Variants in RELB observed in about 807,000 individuals in gnomAD.
RELB encodes the protein transcription factor RelB.
A neutral mutation model predicts 55.4 loss-of-function variants in RELB; 14 were observed. That is an observed-to-expected ratio of 0.25 (90% confidence interval 0.17 to 0.40). RELB has a LOEUF of 0.40. Ranked by LOEUF, RELB falls within the 10% of genes least tolerant of loss-of-function variation. The pLI is 1.00. For synonymous variants in RELB, 409 were observed against 371.3 expected (o/e 1.10, Z -1.17); for missense variants, 669 against 830.7 (o/e 0.81, Z 2.39).
Position 45,011,995 on chromosome 19 carries a change from C to A in RELB, c.223C>A (p.Pro75Thr). Residue 75 changes from proline to threonine, a missense_variant, in exon 4 of 12, where the codon CCG becomes ACG. By Grantham distance (38) the Pro-to-Thr change is conservative. Around this residue, in one of 3 missense-constraint regions of RELB, gnomAD observed 323 missense variants for 368.5 expected, o/e 0.88. Coordinates refer to ENST00000221452, the MANE Select transcript of RELB (RefSeq NM_006509.4). ...CGGCCTGGACGGGGGACAGCCGGGC[C>A]CGGGCGAGGGGCTGCCACGCCTGGT... ...GFGLDGGQPG[P>T]GEGLPRLVSR... 6.3e-7 allele frequency: 1 copy of A among 1,575,582 alleles called. No homozygotes were observed. The highest frequency in any genetic ancestry group is 8.6e-7 in the Non-Finnish European group (1 of 1,165,406).
Position 45,011,981 on chromosome 19 carries a change from G to A in RELB, c.209G>A (p.Gly70Glu), listed in dbSNP as rs1971364654. ...AAGGAGAACGGCTTCGGCCTGGACG[G>A]GGGACAGCCGGGCCCGGGCGAGGGG... ...YIKENGFGLD[G>E]GQPGPGEGLP... The change falls in exon 4 of 12, where the codon GGG (glycine) becomes GAG (glutamate). Residue 70 changes from glycine (G) to glutamate (E), a missense_variant. Physicochemically the swap from Gly to Glu is moderately conservative, Grantham distance 98 (BLOSUM62 -2). Coordinates refer to ENST00000221452, the MANE Select transcript of RELB (RefSeq NM_006509.4). 3 of 1,572,152 alleles carry A rather than the reference G, an allele frequency of 1.9e-6. No homozygotes were observed. The highest frequency in any genetic ancestry group is 2.8e-5 in the African/African-American group (2 of 71,324).
At chr19:45,027,291 G>A (rs1971570354) in intron 7 of RELB, among the ~76,000 whole-genome samples, 1 of 151,140 alleles carries the variant, frequency 6.6e-6, no homozygotes, top group African/African-American at 2.4e-5. Context: ...AAGAGAATAA[G>A]TTATTCTATT....
chr19:45,010,271 C>A, intron 3 of RELB, among the ~76,000 whole-genome samples: 1 of 135,006 alleles, frequency 7.4e-6, no homozygotes. Flanking sequence ...GCTATGATTG[C>A]ACCACTGCAC....
chr19:45,028,674 T>C (rs537850407), intron 7 of RELB, among the ~76,000 whole-genome samples: 1 of 152,256 alleles, frequency 6.6e-6, no homozygotes, highest in African/African-American at 2.4e-5. Context: ...GGGCTTCAGC[T>C]TGAGGGCTGG....
chr19:45,017,740 G>A (rs1411962255), intron 4 of RELB, among the ~76,000 whole-genome samples: 1 of 148,906 alleles, frequency 6.7e-6, no homozygotes, highest in African/African-American at 2.5e-5. Context: ...CTGCCTCTCA[G>A]GTTCAAGCAG....
rs538881881 is a variant in RELB, at chr19:45,008,739, C to T, written c.155-1075C>T. 53 of 330,444 alleles carry T rather than the reference C, an allele frequency of 1.6e-4. No homozygotes were observed. The Middle Eastern group carries it at 9.5e-3, about 59-fold the overall frequency. 20.5% of individuals were successfully genotyped at this position (330,444 alleles called of 1,614,324 possible). ...CGGAACAGGTTCGCGTCTATAAATC[C>T]CCAGCCAGAGACCAGCGCAGGCAGC... On this transcript the variant is annotated intron_variant, in intron 2 of 11. Transcript: ENST00000221452.
rs1971363840 is a variant in RELB at position 45,011,938 on chromosome 19, A to C, written c.166A>C (p.Ile56Leu). The C allele has an allele frequency of 6.6e-7, 1 of 1,515,682 alleles. No homozygotes were observed. Among genetic ancestry groups the C allele is most frequent in the Non-Finnish European group, 8.8e-7 (1 of 1,137,864 alleles). The allele number at this position is 1,515,682 out of a possible 1,614,324, so 93.9% of individuals were successfully genotyped here. The change falls in exon 4 of 12, where the codon ATC becomes CTC. Residue 56 changes from isoleucine (I) to leucine (L), a missense_variant and splice_region_variant. Ile to Leu is a conservative substitution (Grantham distance 5). This residue lies in a region of RELB where 323 missense variants were observed against 368.5 expected (regional missense o/e 0.88). Coordinates refer to ENST00000221452, the MANE Select transcript of RELB (RefSeq NM_006509.4). ...AVSRSTDELE[I>L]IDEYIKENGF... ...ACCCGTTTTTTCTTCTCCCGCAGAG[A>C]TCATCGACGAGTACATCAAGGAGAA...
intron 2 of RELB, among the ~76,000 whole-genome samples, chr19:45,007,733 CTG>C (rs1319768567): frequency 6.6e-6 from 1 of 152,026 alleles, no homozygotes; most frequent in Non-Finnish European, 1.5e-5. Context: ...TGGTACGAGA[CTG>C]TAATCCCAGC....
rs149849797 is a variant in RELB at position 45,019,415 on chromosome 19, C to G, written c.505-2638C>G. Among the ~76,000 whole-genome samples, 490 of 152,232 alleles carry G rather than the reference C, an allele frequency of 3.2e-3. 4 individuals carry two copies. Among genetic ancestry groups the G allele is most frequent in the South Asian group, 0.021 (102 of 4,830 alleles). On this transcript the variant is annotated intron_variant, in intron 4 of 11. Coordinates refer to ENST00000221452, the MANE Select transcript of RELB (RefSeq NM_006509.4). Reference sequence around the variant, plus strand: ...TTACAAATGAATTGTAGCCATCATGCTACTTCACCCCTAATTCCTTCAGGA... The same window carrying G: ...TTACAAATGAATTGTAGCCATCATGGTACTTCACCCCTAATTCCTTCAGGA...
chr19:45,017,326 T>C (rs540247594), intron 4 of RELB, among the ~76,000 whole-genome samples: 1 of 151,548 alleles, frequency 6.6e-6, no homozygotes, highest in Non-Finnish European at 1.5e-5. Flanking sequence ...ATATCTTCCT[T>C]TTTTAAAAAA....
intron 8 of RELB, among the ~76,000 whole-genome samples, chr19:45,029,269 C>T (rs1971593587): frequency 6.6e-6 from 1 of 152,156 alleles, no homozygotes; most frequent in Non-Finnish European, 1.5e-5. Flanking sequence ...CACGACATGT[C>T]CAGAGGACTC....
At chr19:45,007,972 T>C (rs1435367815) in intron 2 of RELB, among the ~76,000 whole-genome samples, 2 of 112,862 alleles carry the variant, frequency 1.8e-5, no homozygotes, top group Non-Finnish European at 3.4e-5. Context: ...CTGACTAACA[T>C]AGTAAAACCC....
chr19:45,034,652 C>A, intron 11 of RELB, 124 bp downstream of exon 11: 1 of 732,162 alleles, frequency 1.4e-6, no homozygotes, highest in Non-Finnish European at 2.3e-6. Context: ...CAGCACTTAG[C>A]CAGCAACATA....
rs1430660876 is a variant in RELB at position 45,001,590 on chromosome 19, C to T, written c.11C>T (p.Ser4Phe). 3 of 1,482,704 alleles carry T rather than the reference C, an allele frequency of 2.0e-6. No individual in the cohort carries two copies. Among genetic ancestry groups the T allele is most frequent in the Non-Finnish European group, 1.8e-6 (2 of 1,123,066 alleles). 91.8% of individuals were successfully genotyped at this position (1,482,704 alleles called of 1,614,324 possible). A position where few individuals can be genotyped will look rare whatever the true frequency, so the allele number is the denominator to read the frequency against. MLR[S>F]GPASGPSVPT... ...GGCCGGCCCGCGTGCATGCTTCGGTCTGGGCCAGCCTCTGGGCCGTCCGTC... is the reference window on the plus strand; with the variant it reads ...GGCCGGCCCGCGTGCATGCTTCGGTTTGGGCCAGCCTCTGGGCCGTCCGTC... The change falls in exon 1 of 12, where the codon TCT becomes TTT. Residue 4 changes from serine (S) to phenylalanine (F), a missense_variant. Transcript: ENST00000221452.
rs544678800 is a variant in RELB at position 45,017,449 on chromosome 19, T to TAAAAAAAAAAAAA, written c.505-4602_505-4590dup. Among the ~76,000 whole-genome samples the TAAAAAAAAAAAAA allele has an allele frequency of 2.0e-4, 21 of 102,632 alleles. 1 individual carries two copies. The highest frequency in any genetic ancestry group is 7.3e-4 in the African/African-American group (15 of 20,660). 67.3% of individuals were successfully genotyped at this position (102,632 alleles called of 152,430 possible). A position where few individuals can be genotyped will look rare whatever the true frequency, so the allele number is the denominator to read the frequency against. On this transcript the variant is annotated intron_variant, in intron 4 of 11. Transcript: ENST00000221452. ...GCCTGGGCAACAGAGAGAATCTGTC[T>TAAAAAAAAAAAAA]AAAAAAAAAAAAAACAATTCTGGAA...
intron 8 of RELB, among the ~76,000 whole-genome samples, chr19:45,031,759 G>A (rs1971624199): frequency 6.6e-6 from 1 of 151,400 alleles, no homozygotes; most frequent in Middle Eastern, 3.4e-3. Flanking sequence ...TGTATTTTTA[G>A]TAGAGACGGG....
At chr19:45,025,869 TG>T in intron 7 of RELB, 132 bp downstream of exon 7, 1 of 1,154,058 alleles carries the variant, frequency 8.7e-7, no homozygotes, top group Non-Finnish European at 1.3e-6. Context: ...GAGGTCGAGG[TG>T]GGAGGATTGC....
In RELB at chr19:45,012,234, G is replaced by A; in HGVS notation, c.462G>A (p.Gly154=). The part of the protein sequence containing the change: ...CEGRSAGSIL[G]ESSTEASKTL... ...GCCGCTCGGCCGGCAGCATCCTTGG[G>A]GAGAGCAGCACCGAGGCCAGCAAGA... The change falls in exon 4 of 12, where the codon GGG becomes GGA. Residue 154 remains glycine (G), a synonymous_variant. Coordinates refer to ENST00000221452, the MANE Select transcript of RELB (RefSeq NM_006509.4). 2 of 1,478,558 alleles carry A rather than the reference G, an allele frequency of 1.4e-6. No homozygotes were observed. The highest frequency in any genetic ancestry group is 1.8e-6 in the Non-Finnish European group (2 of 1,129,724). The allele number at this position is 1,478,558 out of a possible 1,614,324, so 91.6% of individuals were successfully genotyped here.
At chr19:45,005,448 G>T (rs1024539291) in intron 2 of RELB, among the ~76,000 whole-genome samples, 3 of 152,152 alleles carry the variant, frequency 2.0e-5, no homozygotes, top group Non-Finnish European at 4.4e-5. Flanking sequence ...AGCTGGGTCT[G>T]GGCCTTTCTC....
Sources: gnomAD v4.1 joint callset for allele counts (sites outside exome capture counted in the v4.1 genomes callset) on GRCh38, gnomAD v4.1.1 for gene constraint, gnomAD v4.1.1 regional missense constraint, MANE v1.5 for transcripts, NCBI Gene and HGNC (gene_info 2026-07-23, HGNC 2026-07-21) for gene names.